Variants in RAB1B observed in about 807,000 individuals in gnomAD.
The protein encoded by RAB1B is RAB1B, member RAS oncogene family.
RAB1B carries 10 observed loss-of-function variants against 24.8 expected under a neutral mutation model. The observed-to-expected ratio is 0.40, with a 90% CI of 0.25 to 0.68. The LOEUF (loss-of-function observed/expected upper bound fraction) is 0.68, where lower values mean the gene tolerates loss of function less well. Among genes scored for constraint, RAB1B ranks in the 30% least tolerant of loss-of-function variants. The pLI, the probability that RAB1B is intolerant of heterozygous loss-of-function variation, is 0.37. For synonymous variants in RAB1B, 99 were observed against 111.7 expected (o/e 0.89, Z 0.72); for missense variants, 154 against 271.2 (o/e 0.57, Z 3.04).
chr11:66,273,918 G>A (rs1027076208), intron 4 of RAB1B, among the ~76,000 whole-genome samples: 1 of 152,106 alleles, frequency 6.6e-6, no homozygotes, highest in Non-Finnish European at 1.5e-5. Flanking sequence ...GAACTCAGAT[G>A]TCCAGCGCTG....
At position 66,271,670 on chromosome 11, in the gene RAB1B, C is replaced by A. The variant is rs1857060013; in HGVS notation, c.15-127C>A. 3 of 655,918 alleles carry A rather than the reference C, an allele frequency of 4.6e-6. No homozygotes were observed. In the South Asian group the frequency reaches 5.3e-5, roughly 12 times the overall value. 40.6% of individuals were successfully genotyped at this position (655,918 alleles called of 1,614,324 possible). A position where few individuals can be genotyped will look rare whatever the true frequency, so the allele number is the denominator to read the frequency against. ...TGGGTGACAGAGTGAGACCTTATTG[C>A]TAAAAAAAAAATAAAAATAAACCAA... On this transcript the variant is annotated intron_variant, in intron 1 of 5. Transcript: ENST00000311481.
chr11:66,274,056 C>A (rs1401369863), intron 4 of RAB1B, among the ~76,000 whole-genome samples: 1 of 152,150 alleles, frequency 6.6e-6, no homozygotes, highest in Non-Finnish European at 1.5e-5. Flanking sequence ...CTCATTGTAA[C>A]CTCAACCTCC....
Position 66,272,365 on chromosome 11 carries a change from T to C in RAB1B, c.184T>C (p.Trp62Arg), listed in dbSNP as rs1206790386. The C allele has an allele frequency of 6.2e-7, 1 of 1,612,446 alleles. No homozygotes were observed. The highest frequency in any genetic ancestry group is 2.2e-5 in the East Asian group (1 of 44,812). The stretch of plus-strand genomic sequence containing the variant: ...TGCTCCTCTGCCTACTGTCTCCTAG[T>C]GGGACACAGCGGGCCAGGAACGGTT... Reference protein sequence around the residue: ...LDGKTIKLQIWDTAGQERFRT... With the variant: ...LDGKTIKLQIRDTAGQERFRT... Residue 62 changes from tryptophan to arginine, a missense_variant and splice_region_variant, in exon 4 of 6, where the codon TGG becomes CGG. By Grantham distance (101) the Trp-to-Arg change is moderately radical (BLOSUM62 -3). Coordinates refer to ENST00000311481, the MANE Select transcript of RAB1B (RefSeq NM_030981.3).
Position 66,272,393 on chromosome 11 carries a change from G to A in RAB1B, c.212G>A (p.Arg71Gln), listed in dbSNP as rs1171955948. ...GACACAGCGGGCCAGGAACGGTTCC[G>A]GACCATCACTTCCAGCTACTACCGG... ...IWDTAGQERF[R>Q]TITSSYYRGA... The change falls in exon 4 of 6, where the codon CGG becomes CAG. Residue 71 changes from arginine to glutamine, a missense_variant. Physicochemically the swap from Arg to Gln is conservative, Grantham distance 43. Transcript: ENST00000311481. 3 of 1,609,868 alleles carry A rather than the reference G, an allele frequency of 1.9e-6. No individual in the cohort carries two copies. The highest frequency in any genetic ancestry group is 2.5e-6 in the Non-Finnish European group (3 of 1,177,384).
intron 2 of RAB1B, 105 bp from the exon 3 acceptor site, chr11:66,272,052 C>A (rs1024987177): frequency 8.9e-6 from 9 of 1,005,634 alleles, no homozygotes; most frequent in African/African-American, 1.6e-5. Flanking sequence ...GGAATTGGGG[C>A]TTGGTGGTTC....
chr11:66,268,791 G>T, intron 1 of RAB1B, 98 bp downstream of exon 1: 1 of 1,213,190 alleles, frequency 8.2e-7, no homozygotes, highest in Admixed American at 4.2e-5. Flanking sequence ...GGACTGTGCG[G>T]CGCCCCCACA....
chr11:66,268,898 C>A (rs558263478), intron 1 of RAB1B, among the ~76,000 whole-genome samples: 2 of 151,078 alleles, frequency 1.3e-5, no homozygotes, highest in African/African-American at 2.4e-5. Context: ...AGCCCTCGCA[C>A]CCGGGGCCCA....
At position 66,272,222 on chromosome 11, in the gene RAB1B, G is replaced by T. The variant is rs776669430; in HGVS notation, c.153G>T (p.Glu51Asp). 6.2e-7 allele frequency: 1 copy of T among 1,613,962 alleles called. No individual in the cohort carries two copies. The highest frequency in any genetic ancestry group is 2.2e-5 in the East Asian group (1 of 44,880). The change falls in exon 3 of 6, where the codon GAG becomes GAT. Residue 51 changes from glutamate (E) to aspartate (D), a missense_variant. Transcript: ENST00000311481. ...TGGACTTCAAGATCCGAACCATCGAGCTGGATGGCAAAACTATCAAACTTC... is the reference window on the plus strand; with the variant it reads ...TGGACTTCAAGATCCGAACCATCGATCTGGATGGCAAAACTATCAAACTTC... ...IGVDFKIRTI[E>D]LDGKTIKLQI... is the part of the protein sequence containing the mutation.
intron 4 of RAB1B, among the ~76,000 whole-genome samples, chr11:66,275,139 G>T (rs1471762798): frequency 6.6e-6 from 1 of 152,206 alleles, no homozygotes; most frequent in Non-Finnish European, 1.5e-5. Flanking sequence ...GTCTAAGTTT[G>T]AGCCAGTGTG....
At chr11:66,276,016 C>CCTCCTCTTCTCTCCT (rs746590681) in intron 5 of RAB1B, 28 bp from the exon 6 acceptor site, 3 of 1,598,028 alleles carry the variant, frequency 1.9e-6, no homozygotes, top group African/African-American at 2.7e-5. Flanking sequence ...TCTTCTCTCC[C>CCTCCTCTTCTCTCCT]CTCCTCTTCT....
At position 66,272,149 on chromosome 11, in the gene RAB1B, A is replaced by G; in HGVS notation, c.88-8A>G. The G allele has an allele frequency of 6.2e-7, 1 of 1,602,864 alleles. No individual in the cohort carries two copies. Among genetic ancestry groups the G allele is most frequent in the Non-Finnish European group, 8.5e-7 (1 of 1,170,326 alleles). ...CTCCCATGATTTCATTGGCCCCTGA[A>G]CTTTCAGGATGACACGTACACAGAG... On this transcript the variant is annotated splice_polypyrimidine_tract_variant and splice_region_variant and intron_variant, in intron 2 of 5. Coordinates refer to ENST00000311481, the MANE Select transcript of RAB1B (RefSeq NM_030981.3).
At chr11:66,275,280 G>A (rs1239955220) in intron 4 of RAB1B, among the ~76,000 whole-genome samples, 1 of 152,146 alleles carries the variant, frequency 6.6e-6, no homozygotes, top group Non-Finnish European at 1.5e-5. Flanking sequence ...TAATGAGGCT[G>A]TTGGTGCCAA....
intron 1 of RAB1B, chr11:66,269,704 G>A (rs1456765889): frequency 1.3e-5 from 2 of 152,088 alleles, no homozygotes; most frequent in Admixed American, 1.3e-4. Context: ...TGTAAGTTAG[G>A]GCAAGTCACT....
intron 4 of RAB1B, among the ~76,000 whole-genome samples, chr11:66,275,078 C>G (rs115947939): frequency 6.6e-6 from 1 of 152,136 alleles, no homozygotes; most frequent in East Asian, 1.9e-4. Flanking sequence ...TATGATTTCC[C>G]CCTTTGTCCC....
intron 4 of RAB1B, 21 bp downstream of exon 4, chr11:66,272,481 C>T (rs1190576996): frequency 6.6e-7 from 1 of 1,515,854 alleles, no homozygotes; most frequent in Admixed American, 1.9e-5. Flanking sequence ...ACTAGCCATC[C>T]TCAGCTTGGC....
intron 4 of RAB1B, among the ~76,000 whole-genome samples, chr11:66,273,443 T>C (rs1199646216): frequency 1.3e-5 from 2 of 152,142 alleles, no homozygotes; most frequent in Non-Finnish European, 2.9e-5. Flanking sequence ...CACTGCTCTC[T>C]TCTCTCTCCT....
chr11:66,272,501 C>G, intron 4 of RAB1B, 41 bp downstream of exon 4: 1 of 1,365,588 alleles, frequency 7.3e-7, no homozygotes, highest in African/African-American at 1.4e-5. Context: ...CCTCCTTAGC[C>G]TTAGGTCTTT....
chr11:66,272,508 C>G, intron 4 of RAB1B, 48 bp downstream of exon 4: 1 of 1,223,818 alleles, frequency 8.2e-7, no homozygotes, highest in Admixed American at 2.3e-5. Context: ...AGCCTTAGGT[C>G]TTTGACTCTT....
At position 66,272,263 on chromosome 11, in the gene RAB1B, C is replaced by T; in HGVS notation, c.183+11C>T. The T allele has an allele frequency of 1.2e-6, 2 of 1,611,640 alleles. No individual in the cohort carries two copies. The highest frequency in any genetic ancestry group is 8.5e-7 in the Non-Finnish European group (1 of 1,177,696). On this transcript the variant is annotated intron_variant, in intron 3 of 5. Transcript: ENST00000311481. ...ATCAAACTTCAGATCGTGAGTGTCG[C>T]TCTTCCCAAAATCCCCAGTACAGAG...
Sources: allele counts gnomAD v4.1 joint callset (sites outside exome capture counted in the v4.1 genomes callset), GRCh38; gene constraint gnomAD v4.1.1; transcripts MANE v1.5; gene names NCBI Gene and HGNC (gene_info 2026-07-23, HGNC 2026-07-21).